The following ARID1B variants were observed in gnomAD, a reference collection of about 807,000 sequenced individuals.
ARID1B encodes the protein AT-rich interactive domain-containing protein 1B.
ARID1B carries 30 observed loss-of-function variants against 212.3 expected under a neutral mutation model. The ratio of observed to expected loss-of-function variants is 0.14; its 90% CI spans 0.11 to 0.19. The LOEUF is 0.19. Among genes scored for constraint, ARID1B ranks in the 10% least tolerant of loss-of-function variants. The pLI is 1.00. For missense variants in ARID1B, 2,891 were observed against 3,204.0 expected, an observed-to-expected ratio of 0.90 and a Z score of 2.36; for synonymous variants, 1,402 against 1,301.7, an observed-to-expected ratio of 1.08 and a Z score of -1.66.
chr6:157,021,542 G>A (rs923980633), intron 4 of ARID1B, among the ~76,000 whole-genome samples: 1 of 152,210 alleles, frequency 6.6e-6, no homozygotes, highest in Admixed American at 6.5e-5. Flanking sequence ...ACGTAGGCTC[G>A]TGGGGGCGGG....
chr6:156,971,894 T>C (rs1030494513), intron 4 of ARID1B, among the ~76,000 whole-genome samples: 1 of 152,188 alleles, frequency 6.6e-6, no homozygotes, highest in African/African-American at 2.4e-5. Flanking sequence ...TGACCTTTGC[T>C]GTATAACATG....
intron 6 of ARID1B, among the ~76,000 whole-genome samples, chr6:157,127,053 G>T (rs745716151): frequency 6.6e-6 from 1 of 152,154 alleles, no homozygotes; most frequent in Non-Finnish European, 1.5e-5. Flanking sequence ...ATTTTAAAAT[G>T]TATTTCTTTC....
At chr6:157,116,427 T>C (rs1273218219) in intron 6 of ARID1B, among the ~76,000 whole-genome samples, 1 of 150,498 alleles carries the variant, frequency 6.6e-6, no homozygotes, top group Non-Finnish European at 1.5e-5. Context: ...TTTCTGAAGG[T>C]CTGAACTAGA....
At chr6:156,936,917 A>T (rs1582987714) in intron 4 of ARID1B, 1 of 152,174 alleles carries the variant, frequency 6.6e-6, no homozygotes. Flanking sequence ...ATACATTTTA[A>T]TGTATATGCA....
chr6:156,988,556 A>C (rs188270445), intron 4 of ARID1B, among the ~76,000 whole-genome samples: 1 of 152,232 alleles, frequency 6.6e-6, no homozygotes, highest in Non-Finnish European at 1.5e-5. Flanking sequence ...AGGAAGTGAA[A>C]AGTCTTACTA....
At chr6:157,063,285 T>C (rs1783467462) in intron 4 of ARID1B, among the ~76,000 whole-genome samples, 1 of 152,142 alleles carries the variant, frequency 6.6e-6, no homozygotes, top group Non-Finnish European at 1.5e-5. Context: ...GGCTAACATT[T>C]ACTGAGCAGC....
At chr6:157,116,864 C>A (rs1360296668) in intron 6 of ARID1B, among the ~76,000 whole-genome samples, 1 of 152,138 alleles carries the variant, frequency 6.6e-6, no homozygotes, top group African/African-American at 2.4e-5. Context: ...CACGCTGTAC[C>A]TGATTGAAAA....
At chr6:156,856,133 T>C (rs1207258163) in intron 2 of ARID1B, among the ~76,000 whole-genome samples, 1 of 152,202 alleles carries the variant, frequency 6.6e-6, no homozygotes, top group Non-Finnish European at 1.5e-5. Flanking sequence ...CTTAGAGCAG[T>C]GCCTGGAGTG....
At chr6:157,033,419 G>A (rs917133435) in intron 4 of ARID1B, among the ~76,000 whole-genome samples, 1 of 152,106 alleles carries the variant, frequency 6.6e-6, no homozygotes, top group Non-Finnish European at 1.5e-5. Flanking sequence ...CATAGTTTTG[G>A]CATTGCTTTA....
Position 156,906,546 on chromosome 6 carries a change from C to CAAAAAAAAAA in ARID1B, c.2136+5041_2136+5050dup, listed in dbSNP as rs55660810. The stretch of plus-strand genomic sequence containing the variant: ...GGCAACAAGAGCGAAACTCCATCTC[C>CAAAAAAAAAA]AAAAAAAAAAAAAAAAAAAAAAAAA... On this transcript the variant is annotated intron_variant, in intron 3 of 19. Coordinates refer to ENST00000636930, the MANE Select transcript of ARID1B (RefSeq NM_001374828.1). 7.6e-5 allele frequency among the ~76,000 whole-genome samples: 3 copies of CAAAAAAAAAA among 39,680 alleles called. 1 individual carries two copies. Among genetic ancestry groups the CAAAAAAAAAA allele is most frequent in the Non-Finnish European group, 1.0e-4 (2 of 19,580 alleles). The allele number at this position is 39,680 out of a possible 152,430, so 26.0% of individuals were successfully genotyped here.
intron 6 of ARID1B, among the ~76,000 whole-genome samples, chr6:157,123,809 C>T (rs528881953): frequency 1.3e-5 from 2 of 152,362 alleles, no homozygotes; most frequent in African/African-American, 4.8e-5. Context: ...TACACATTTT[C>T]TCGTTTAATC....
At chr6:156,941,921 C>T (rs754950469) in intron 4 of ARID1B, 40 of 152,088 alleles carry the variant, frequency 2.6e-4, no homozygotes, top group African/African-American at 7.7e-4. Context: ...ACTCAGTTCC[C>T]GTTAAAATAA....
intron 2 of ARID1B, among the ~76,000 whole-genome samples, chr6:156,833,043 CA>C (rs1268719659): frequency 6.6e-6 from 1 of 151,976 alleles, no homozygotes; most frequent in Non-Finnish European, 1.5e-5. Flanking sequence ...TTGTTGAGTT[CA>C]GGGGGGAAAT....
chr6:156,851,943 TATCTC>T (rs1306565301), intron 2 of ARID1B, among the ~76,000 whole-genome samples: 2 of 152,216 alleles, frequency 1.3e-5, no homozygotes, highest in Non-Finnish European at 2.9e-5. Context: ...GAGATATTGT[TATCTC>T]AGCGCAAGGC....
intron 8 of ARID1B, among the ~76,000 whole-genome samples, chr6:157,161,430 T>TATATATATATA (rs1790926454): frequency 7.4e-6 from 1 of 135,496 alleles, no homozygotes; most frequent in African/African-American, 3.3e-5. Flanking sequence ...ATTGTGTGTG[T>TATATATATATA]GTATATATAT....
At chr6:157,095,016 T>A (rs1481718217) in intron 5 of ARID1B, among the ~76,000 whole-genome samples, 1 of 152,028 alleles carries the variant, frequency 6.6e-6, no homozygotes, top group South Asian at 2.1e-4. Flanking sequence ...GAATAGGAGG[T>A]TGGATAAGAT....
At chr6:157,189,979 T>TA in intron 14 of ARID1B, 59 bp from the exon 15 acceptor site, 1 of 1,596,036 alleles carries the variant, frequency 6.3e-7, no homozygotes, top group Non-Finnish European at 8.5e-7. Flanking sequence ...CTTCTGAATG[T>TA]ACTGTTTGGA....
intron 2 of ARID1B, among the ~76,000 whole-genome samples, chr6:156,881,362 T>C (rs1262796238): frequency 6.6e-6 from 1 of 152,208 alleles, no homozygotes; most frequent in Non-Finnish European, 1.5e-5. Context: ...TTTGAAGAAA[T>C]TGCATAATTT....
At chr6:157,110,355 T>A (rs1300845238) in intron 5 of ARID1B, 117 bp from the exon 6 acceptor site, 1 of 798,776 alleles carries the variant, frequency 1.3e-6, no homozygotes, top group South Asian at 1.6e-5. Flanking sequence ...CTTTTTTTAA[T>A]GGGGCTATAC....
Sources: gnomAD v4.1 joint callset for allele counts (sites outside exome capture counted in the v4.1 genomes callset) on GRCh38, gnomAD v4.1.1 for gene constraint, MANE v1.5 for transcripts, NCBI Gene and HGNC (gene_info 2026-07-23, HGNC 2026-07-21) for gene names.